Variants in ODAD2 observed in about 807,000 individuals in gnomAD.
ODAD2 encodes outer dynein arm docking complex subunit 2, also known as outer dynein arm-docking complex subunit 2.
A neutral mutation model predicts 106.8 loss-of-function variants in ODAD2; 89 were observed. That is an observed-to-expected ratio of 0.83 (90% CI 0.70 to 0.99). ODAD2 has a LOEUF of 0.99. ODAD2 is among the 50% of genes least tolerant of loss of function. The probability of loss-of-function intolerance (pLI) is 0.00; values close to 1 mark genes in which losing one functional copy is unlikely to be tolerated. For missense variants in ODAD2, 1,168 were observed against 1,238.5 expected, an observed-to-expected ratio of 0.94 and a Z score of 0.85; for synonymous variants, 404 against 436.2, an observed-to-expected ratio of 0.93 and a Z score of 0.92.
At chr10:27,814,327 G>A (rs901189434) in intron 19 of ODAD2, among the ~76,000 whole-genome samples, 3 of 152,176 alleles carry the variant, frequency 2.0e-5, no homozygotes, top group African/African-American at 4.8e-5. Context: ...CAGTGCGCAG[G>A]CCATTTGAAG....
At chr10:27,928,635 T>C (rs1845413526) in intron 16 of ODAD2, among the ~76,000 whole-genome samples, 1 of 152,134 alleles carries the variant, frequency 6.6e-6, no homozygotes, top group Non-Finnish European at 1.5e-5. Flanking sequence ...TGTTTCAATT[T>C]ATGGCAAATT....
chr10:27,862,138 T>G (rs1048357883), intron 18 of ODAD2, among the ~76,000 whole-genome samples: 1 of 152,186 alleles, frequency 6.6e-6, no homozygotes, highest in Admixed American at 6.5e-5. Context: ...GCGGTGAAGA[T>G]GATAGTTAAC....
intron 7 of ODAD2, among the ~76,000 whole-genome samples, chr10:27,978,639 A>C (rs1171500016): frequency 6.6e-6 from 1 of 151,936 alleles, no homozygotes; most frequent in East Asian, 1.9e-4. Context: ...CTAAAAATAC[A>C]AAATTAGCCG....
At chr10:27,915,951 T>C (rs776584346) in intron 16 of ODAD2, among the ~76,000 whole-genome samples, 2 of 152,134 alleles carry the variant, frequency 1.3e-5, no homozygotes, top group Non-Finnish European at 2.9e-5. Context: ...GTTTTAATGG[T>C]CCACCATGGA....
rs146041171 is a variant in ODAD2 at position 27,987,417 on chromosome 10, C to A, written c.351G>T (p.Gly117=). 9.3e-6 allele frequency: 15 copies of A among 1,613,438 alleles called. No homozygotes were observed. The highest frequency in any genetic ancestry group is 1.3e-5 in the African/African-American group (1 of 74,900). ...LSRLLLIAKT[G]KLKEAQACVE... Reference sequence around the variant, plus strand: ...CACATGCTTGGGCTTCCTTCAACTTCCCAGTTTTGGCAATAAGTAACAAGC... The same window carrying A: ...CACATGCTTGGGCTTCCTTCAACTTACCAGTTTTGGCAATAAGTAACAAGC... The change falls in exon 3 of 20, where the codon GGG becomes GGT. Residue 117 remains glycine (G), a synonymous_variant. Transcript: ENST00000305242.
intron 19 of ODAD2, among the ~76,000 whole-genome samples, chr10:27,850,674 C>T (rs2133221121): frequency 6.6e-6 from 1 of 152,206 alleles, no homozygotes; most frequent in East Asian, 1.9e-4. Context: ...AAGACTGCCT[C>T]ATGTTAAGAT....
Position 27,826,354 on chromosome 10 carries a change from T to G in ODAD2, c.3022-13729A>C, listed in dbSNP as rs1292453799. ...TGCAGCAATGGCACACACATTATGA[T>G]CTCTAATTTCCATCGGCTCTCCGTG... On this transcript the variant is annotated intron_variant, in intron 19 of 19. Coordinates refer to ENST00000305242, the MANE Select transcript of ODAD2 (RefSeq NM_018076.5). 2.0e-5 allele frequency among the ~76,000 whole-genome samples: 3 copies of G among 152,120 alleles called. No individual in the cohort carries two copies. In the East Asian group the frequency reaches 5.8e-4, roughly 29 times the overall value.
chr10:27,885,681 A>ATAATATATTATATATAAAAT (rs1564466019), intron 17 of ODAD2, among the ~76,000 whole-genome samples: 1 of 13,550 alleles, frequency 7.4e-5, no homozygotes, highest in Non-Finnish European at 2.0e-4. Flanking sequence ...AAATATATAT[A>ATAATATATTATATATAAAAT]ATATATAATA....
In ODAD2 at chr10:27,875,631, C is replaced by T. The variant is rs193085148; in HGVS notation, c.2611-13009G>A. Among the ~76,000 whole-genome samples the T allele has an allele frequency of 4.4e-3, 670 of 152,196 alleles. 3 individuals carry two copies. The highest frequency in any genetic ancestry group is 0.014 in the African/African-American group (571 of 41,528). On this transcript the variant is annotated intron_variant, in intron 17 of 19. Transcript: ENST00000305242. ...CTCCCAGCATGAGTGATGCAGAAGA[C>T]AGGTGATTTCTGCATTTCCAACTGA...
chr10:27,979,445 T>A (rs376635011), intron 7 of ODAD2, among the ~76,000 whole-genome samples: 9 of 141,846 alleles, frequency 6.3e-5, no homozygotes, highest in Admixed American at 3.6e-4. Context: ...CACACACCCA[T>A]ACACACACAC....
intron 9 of ODAD2, among the ~76,000 whole-genome samples, chr10:27,966,715 T>C (rs547921617): frequency 2.0e-5 from 3 of 152,350 alleles, no homozygotes; most frequent in Admixed American, 1.3e-4. Context: ...GAGTAATAGC[T>C]GTTGCTTGGA....
At chr10:27,900,110 G>A (rs2133794338) in intron 17 of ODAD2, among the ~76,000 whole-genome samples, 1 of 152,298 alleles carries the variant, frequency 6.6e-6, no homozygotes, top group Non-Finnish European at 1.5e-5. Flanking sequence ...AAAGCTTCCA[G>A]AGGAAGGAAC....
intron 16 of ODAD2, among the ~76,000 whole-genome samples, chr10:27,927,740 T>C (rs1845349441): frequency 6.6e-6 from 1 of 152,090 alleles, no homozygotes; most frequent in Non-Finnish European, 1.5e-5. Flanking sequence ...CTCTTCTAGT[T>C]CCCCGCTCAA....
At chr10:27,874,563 C>G (rs1253934775) in intron 17 of ODAD2, among the ~76,000 whole-genome samples, 1 of 152,216 alleles carries the variant, frequency 6.6e-6, no homozygotes, top group African/African-American at 2.4e-5. Context: ...GTGACAAAAT[C>G]TCTCAGCATT....
chr10:27,961,955 A>C (rs1186500959), intron 9 of ODAD2, among the ~76,000 whole-genome samples: 4 of 152,134 alleles, frequency 2.6e-5, no homozygotes, highest in Admixed American at 1.3e-4. Flanking sequence ...AATTTCAGCT[A>C]CTCAGGAGGC....
At chr10:27,900,666 T>TAC (rs770840870) in intron 17 of ODAD2, among the ~76,000 whole-genome samples, 1 of 152,252 alleles carries the variant, frequency 6.6e-6, no homozygotes, top group Non-Finnish European at 1.5e-5. Flanking sequence ...TCGTGAAGCA[T>TAC]ACACAAGTAC....
intron 19 of ODAD2, among the ~76,000 whole-genome samples, chr10:27,824,138 CAAAAAAAAAAAA>C (rs71388934): frequency 2.1e-4 from 7 of 33,128 alleles, no homozygotes; most frequent in African/African-American, 2.7e-4. Flanking sequence ...GACTCCGTCT[CAAAAAAAAAAAA>C]AAAAAAAAAA....
At chr10:27,901,555 A>G (rs1168968306) in intron 17 of ODAD2, among the ~76,000 whole-genome samples, 1 of 152,212 alleles carries the variant, frequency 6.6e-6, no homozygotes, top group East Asian at 1.9e-4. Flanking sequence ...GGTGTGCTGT[A>G]TTCAGGAGAC....
chr10:27,885,606 AAT>A (rs1410944791), intron 17 of ODAD2, among the ~76,000 whole-genome samples: 2 of 71,882 alleles, frequency 2.8e-5, no homozygotes, highest in African/African-American at 5.6e-5. Flanking sequence ...ATATATATAA[AAT>A]ATATATAAAT....
Sources: gnomAD v4.1 joint callset for allele counts (sites outside exome capture counted in the v4.1 genomes callset) on GRCh38, gnomAD v4.1.1 for gene constraint, MANE v1.5 for transcripts, NCBI Gene and HGNC (gene_info 2026-07-23, HGNC 2026-07-21) for gene names.